Variants in THADA observed in about 807,000 individuals in gnomAD.
THADA encodes tRNA (32-2'-O)-methyltransferase regulator THADA.
THADA carries 213 observed loss-of-function variants against 219.8 expected under a neutral mutation model. That is an observed-to-expected ratio of 0.97 (90% CI 0.87 to 1.09). THADA has a LOEUF of 1.09. Ranked by LOEUF, THADA falls within the 50% of genes least tolerant of loss-of-function variation. THADA has a pLI of 0.00. For synonymous variants in THADA, 1,018 were observed against 828.9 expected (o/e 1.23, Z -3.92); for missense variants, 2,956 against 2,311.3 (o/e 1.28, Z -5.72).
chr2:43,584,869 G>C (rs1263179018), intron 7 of THADA, among the ~76,000 whole-genome samples: 1 of 152,006 alleles, frequency 6.6e-6, no homozygotes, highest in African/African-American at 2.4e-5. Context: ...CTTTAGAAAA[G>C]GTAAAACAGG....
chr2:43,542,043 A>C (rs1380376877), intron 20 of THADA, among the ~76,000 whole-genome samples: 1 of 152,222 alleles, frequency 6.6e-6, no homozygotes, highest in East Asian at 1.9e-4. Flanking sequence ...AATATATTTA[A>C]TTCCCATGGC....
In THADA at chr2:43,231,003, T is replaced by C. The variant is rs1667348318; in HGVS notation, c.5807A>G (p.Asp1936Gly). Residue 1936 changes from aspartate to glycine, a missense_variant, in exon 38 of 38, where the codon GAC becomes GGC. Transcript: ENST00000405975. ...GEDTLVLSVW[D>G]SYAESRQLTL... is the part of the protein sequence containing the mutation. ...TAACTGCCTCGATTCTGCATAAGAGTCCCAAACACTGAGAACTAGGGTGTC... is the reference window on the plus strand; with the variant it reads ...TAACTGCCTCGATTCTGCATAAGAGCCCCAAACACTGAGAACTAGGGTGTC... 1.2e-6 allele frequency: 2 copies of C among 1,613,664 alleles called. No homozygotes were observed. The highest frequency in any genetic ancestry group is 1.7e-6 in the Non-Finnish European group (2 of 1,179,826).
rs1431704911 is a variant in THADA at position 43,586,970 on chromosome 2, G to T, written c.335C>A (p.Pro112His). 6.8e-6 allele frequency: 11 copies of T among 1,613,420 alleles called. No individual in the cohort carries two copies. The South Asian group carries it at 1.1e-4, about 16-fold the overall frequency. Residue 112 changes from proline (P) to histidine (H), a missense_variant, in exon 5 of 38, where the codon CCT (proline) becomes CAT (histidine). Coordinates refer to ENST00000405975, the MANE Select transcript of THADA (RefSeq NM_022065.5). ...SLNSLPDFFL[P>H]EAMHRFTSRL... ...AGAAGTAAAACGGTGCATAGCCTCA[G>T]GTAGAAAAAAATCAGGCAGGCTATT...
chr2:43,595,285 C>A (rs1486792248), intron 1 of THADA, among the ~76,000 whole-genome samples: 2 of 152,110 alleles, frequency 1.3e-5, no homozygotes, highest in African/African-American at 2.4e-5. Flanking sequence ...AGGTGAGCAA[C>A]CACTTAACCA....
rs1285318553 is a variant in THADA, at chr2:43,344,137, A to G, written c.4328T>C (p.Leu1443Pro). 2.5e-6 allele frequency: 4 copies of G among 1,610,002 alleles called. No individual in the cohort carries two copies. The highest frequency in any genetic ancestry group is 1.3e-5 in the African/African-American group (1 of 74,860). Residue 1443 changes from leucine (L) to proline (P), a missense_variant, in exon 30 of 38, where the codon CTC becomes CCC. By Grantham distance (98) the Leu-to-Pro change is moderately conservative (BLOSUM62 -3). Coordinates refer to ENST00000405975, the MANE Select transcript of THADA (RefSeq NM_022065.5). Reference sequence around the variant, plus strand: ...TTTAACATACCTCTTGGCCAGCCAGAGTTTGGCTTTGGTACAAACAGTGAT... The same window carrying G: ...TTTAACATACCTCTTGGCCAGCCAGGGTTTGGCTTTGGTACAAACAGTGAT... ...TDITVCTKAK[L>P]WLAKRQNPCL... is the part of the protein sequence containing the mutation.
chr2:43,503,564 T>C (rs1689290098), intron 24 of THADA, among the ~76,000 whole-genome samples: 2 of 152,132 alleles, frequency 1.3e-5, no homozygotes, highest in Non-Finnish European at 2.9e-5. Context: ...TGTGGAAGAA[T>C]CCACAGCATA....
chr2:43,569,678 C>T (rs1003565595), intron 14 of THADA, among the ~76,000 whole-genome samples: 4 of 152,018 alleles, frequency 2.6e-5, no homozygotes, highest in African/African-American at 4.8e-5. Context: ...ATAGTTCAAA[C>T]GTATCATTAA....
chr2:43,528,620 G>C (rs1314565270), intron 21 of THADA, among the ~76,000 whole-genome samples: 1 of 152,078 alleles, frequency 6.6e-6, no homozygotes, highest in African/African-American at 2.4e-5. Flanking sequence ...CTCCAGAGTT[G>C]ACCATCTTTA....
At chr2:43,323,920 G>C (rs572445136) in intron 30 of THADA, among the ~76,000 whole-genome samples, 2 of 152,328 alleles carry the variant, frequency 1.3e-5, no homozygotes, top group South Asian at 2.1e-4. Flanking sequence ...GCGGCAGCTT[G>C]GGAAGATAAG....
intron 28 of THADA, among the ~76,000 whole-genome samples, chr2:43,400,262 G>GT (rs1274934392): frequency 3.3e-5 from 5 of 151,962 alleles, no homozygotes; most frequent in African/African-American, 7.3e-5. Context: ...TGGATACCCT[G>GT]TGTTAGGGTG....
intron 36 of THADA, among the ~76,000 whole-genome samples, chr2:43,248,075 A>T (rs1669348194): frequency 6.7e-6 from 1 of 148,220 alleles, no homozygotes; most frequent in Admixed American, 6.7e-5. Flanking sequence ...AAAAAAGTTG[A>T]TATTTAAGAA....
At chr2:43,330,761 C>T (rs987724010) in intron 30 of THADA, among the ~76,000 whole-genome samples, 13 of 152,200 alleles carry the variant, frequency 8.5e-5, no homozygotes, top group African/African-American at 3.1e-4. Flanking sequence ...CCATGGAAGG[C>T]AGCTCCTAAG....
At chr2:43,280,546 C>T (rs776149667) in intron 35 of THADA, among the ~76,000 whole-genome samples, 13 of 152,110 alleles carry the variant, frequency 8.5e-5, no homozygotes, top group African/African-American at 1.2e-4. Flanking sequence ...ATGGGAGAAT[C>T]GCTTGAACCT....
Position 43,535,693 on chromosome 2 carries a change from A to G in THADA, c.3264+5466T>C, listed in dbSNP as rs919348329. On this transcript the variant is annotated intron_variant, in intron 21 of 37. Coordinates refer to ENST00000405975, the MANE Select transcript of THADA (RefSeq NM_022065.5). ...CGAGACTCAAAAAAAAAAAAAAAAAAAAAAAAAGAAAAAATCTTTTCCCAG... is the reference window on the plus strand; with the variant it reads ...CGAGACTCAAAAAAAAAAAAAAAAAGAAAAAAAGAAAAAATCTTTTCCCAG... Among the ~76,000 whole-genome samples the G allele has an allele frequency of 8.6e-5, 13 of 151,592 alleles. 1 individual carries two copies. In the South Asian group the frequency reaches 1.2e-3, roughly 15 times the overall value.
chr2:43,567,513 G>C (rs575953656), intron 14 of THADA, among the ~76,000 whole-genome samples: 279 of 152,236 alleles, frequency 1.8e-3, no homozygotes, highest in African/African-American at 6.6e-3. Flanking sequence ...TGTAGTCCCA[G>C]CTACTCGGGA....
Position 43,287,013 on chromosome 2 carries a change from T to C in THADA, c.5059A>G (p.Ile1687Val), listed in dbSNP as rs765483431. Residue 1687 changes from isoleucine to valine, a missense_variant, in exon 35 of 38, where the codon ATC becomes GTC. Physicochemically the swap from Ile to Val is conservative, Grantham distance 29 (BLOSUM62 3). Coordinates refer to ENST00000405975, the MANE Select transcript of THADA (RefSeq NM_022065.5). ...GGAAGATGGTCTTCACATGACAAGA[T>C]GACCAGCTGAACCCACTGCTTCAGC... is the stretch of plus-strand genomic sequence containing the variant. ...AELKQWVQLV[I>V]LSCEDHLPTE... is the part of the protein sequence containing the mutation. The C allele has an allele frequency of 6.2e-7, 1 of 1,613,832 alleles. No individual in the cohort carries two copies. The highest frequency in any genetic ancestry group is 8.5e-7 in the Non-Finnish European group (1 of 1,179,870).
rs1015930279 is a variant in THADA at position 43,576,952 on chromosome 2, G to T, written c.1037+70C>A. 4 of 1,402,254 alleles carry T rather than the reference G, an allele frequency of 2.9e-6. No individual in the cohort carries two copies. In the African/African-American group the frequency reaches 4.3e-5, roughly 15 times the overall value. The allele number at this position is 1,402,254 out of a possible 1,614,324, so 86.9% of individuals were successfully genotyped here. A position where few individuals can be genotyped will look rare whatever the true frequency, so the allele number is the denominator to read the frequency against. ...GGGATTAGAGGCACAAGCCACTCCAGCTTTTGGACTGCATCTTCTAAATGT... is the reference window on the plus strand; with the variant it reads ...GGGATTAGAGGCACAAGCCACTCCATCTTTTGGACTGCATCTTCTAAATGT... On this transcript the variant is annotated intron_variant, in intron 10 of 37. Coordinates refer to ENST00000405975, the MANE Select transcript of THADA (RefSeq NM_022065.5).
Position 43,501,306 on chromosome 2 carries a change from C to CAAAAAA in THADA, c.3622-2352_3622-2351insTTTTTT, listed in dbSNP as rs1558864377. ...GGGCAACAAAAGCGAAACTCCAACTCCAAAAAAAAAAAAAAAAAAAAAAAA... is the reference window on the plus strand; with the variant it reads ...GGGCAACAAAAGCGAAACTCCAACTCAAAAAACAAAAAAAAAAAAAAAAAAAAAAAA... On this transcript the variant is annotated intron_variant, in intron 24 of 37. Coordinates refer to ENST00000405975, the MANE Select transcript of THADA (RefSeq NM_022065.5). 3.2e-3 allele frequency among the ~76,000 whole-genome samples: 39 copies of CAAAAAA among 12,286 alleles called. 1 individual carries two copies. Among genetic ancestry groups the CAAAAAA allele is most frequent in the African/African-American group, 9.5e-3 (35 of 3,676 alleles). 8.1% of individuals were successfully genotyped at this position (12,286 alleles called of 152,430 possible). A position where few individuals can be genotyped will look rare whatever the true frequency, so the allele number is the denominator to read the frequency against.
At chr2:43,586,122 G>C (rs569399519) in intron 7 of THADA, among the ~76,000 whole-genome samples, 1 of 152,066 alleles carries the variant, frequency 6.6e-6, no homozygotes, top group Admixed American at 6.5e-5. Flanking sequence ...AAAACTATCT[G>C]GGTGTGGTGG....
Sources: gnomAD v4.1 joint callset for allele counts (sites outside exome capture counted in the v4.1 genomes callset) on GRCh38, gnomAD v4.1.1 for gene constraint, MANE v1.5 for transcripts, NCBI Gene and HGNC (gene_info 2026-07-23, HGNC 2026-07-21) for gene names.